Variants in CTNNA1 observed in about 807,000 individuals in gnomAD.
The protein encoded by CTNNA1 is catenin alpha-1.
In CTNNA1, 37 loss-of-function variants were observed where a neutral mutation model predicts 98.4. That is an observed-to-expected ratio of 0.38 (90% CI 0.29 to 0.49). The LOEUF is 0.49. Among genes scored for constraint, CTNNA1 ranks in the 20% least tolerant of loss-of-function variants. The pLI, the probability that CTNNA1 is intolerant of heterozygous loss-of-function variation, is 0.95. For synonymous variants in CTNNA1, 404 were observed against 413.2 expected (o/e 0.98, Z 0.27); for missense variants, 761 against 1,147.2 (o/e 0.66, Z 4.86).
intron 13 of CTNNA1, among the ~76,000 whole-genome samples, chr5:138,926,624 C>G (rs1764107775): frequency 6.6e-6 from 1 of 152,208 alleles, no homozygotes; most frequent in African/African-American, 2.4e-5. Flanking sequence ...TGCTTCTGGC[C>G]AAGGCCATCC....
chr5:138,866,139 CTG>C (rs769686950), intron 7 of CTNNA1, among the ~76,000 whole-genome samples: 1 of 152,132 alleles, frequency 6.6e-6, no homozygotes, highest in Non-Finnish European at 1.5e-5. Context: ...TGGTGAAACT[CTG>C]TCTCTACCAA....
chr5:138,854,485 T>A (rs530458766), intron 7 of CTNNA1, among the ~76,000 whole-genome samples: 1 of 152,278 alleles, frequency 6.6e-6, no homozygotes, highest in African/African-American at 2.4e-5. Context: ...TAGGCTTAAG[T>A]GAAAAGTGTA....
chr5:138,875,354 C>G lies in CTNNA1; in HGVS notation c.1063-10858C>G, dbSNP rs1054998943. The G allele has an allele frequency of 4.1e-6, 4 of 987,198 alleles. No individual in the cohort carries two copies. In the East Asian group the frequency reaches 4.3e-4, roughly 106 times the overall value. The allele number at this position is 987,198 out of a possible 1,614,324, so 61.2% of individuals were successfully genotyped here. A position where few individuals can be genotyped will look rare whatever the true frequency, so the allele number is the denominator to read the frequency against. On this transcript the variant is annotated intron_variant, in intron 7 of 17. Coordinates refer to ENST00000302763, the MANE Select transcript of CTNNA1 (RefSeq NM_001903.5). ...CAAGAATGGATTTGCTTATGTGCTG[C>G]GACCACACAGAACTGTATATAGGCT...
intron 8 of CTNNA1, among the ~76,000 whole-genome samples, chr5:138,887,218 T>G (rs1333064647): frequency 6.6e-6 from 1 of 152,168 alleles, no homozygotes; most frequent in Non-Finnish European, 1.5e-5. Context: ...AGCCCTAGTT[T>G]TGTAATTCCC....
chr5:138,815,220 TG>T (rs1281640087), intron 5 of CTNNA1, among the ~76,000 whole-genome samples: 1 of 152,066 alleles, frequency 6.6e-6, no homozygotes, highest in Non-Finnish European at 1.5e-5. Flanking sequence ...TTTTTTCATG[TG>T]TTTTTTTTTG....
intron 3 of CTNNA1, among the ~76,000 whole-genome samples, chr5:138,803,753 T>G (rs1022206259): frequency 5.3e-5 from 8 of 152,186 alleles, no homozygotes; most frequent in Non-Finnish European, 1.0e-4. Context: ...AAATTGTATC[T>G]TACATCCCTT....
intron 1 of CTNNA1, among the ~76,000 whole-genome samples, chr5:138,774,900 C>A (rs928284185): frequency 3.3e-5 from 5 of 152,066 alleles, no homozygotes; most frequent in Non-Finnish European, 7.4e-5. Flanking sequence ...TGAGCCACCG[C>A]GCCCGTCCTG....
At chr5:138,833,996 C>G (rs894882561) in intron 7 of CTNNA1, among the ~76,000 whole-genome samples, 2 of 152,050 alleles carry the variant, frequency 1.3e-5, no homozygotes, top group Non-Finnish European at 2.9e-5. Context: ...AATTTTAATT[C>G]GATTTGGGTA....
At chr5:138,932,915 GGGCTGAAA>G (rs1765695069) in intron 17 of CTNNA1, 1 of 800,538 alleles carries the variant, frequency 1.2e-6, no homozygotes, top group African/African-American at 1.7e-5. Flanking sequence ...GGCACTGCAA[GGGCTGAAA>G]GGCTGGCCTC....
intron 9 of CTNNA1, among the ~76,000 whole-genome samples, chr5:138,894,890 C>T (rs1282842650): frequency 6.6e-6 from 1 of 152,162 alleles, no homozygotes; most frequent in African/African-American, 2.4e-5. Flanking sequence ...CATGTCACCA[C>T]CTGTGCCCTC....
chr5:138,855,431 A>C (rs955019217), intron 7 of CTNNA1, among the ~76,000 whole-genome samples: 1 of 152,272 alleles, frequency 6.6e-6, no homozygotes, highest in African/African-American at 2.4e-5. Context: ...AGGAAACTGC[A>C]AAGTTACCAG....
intron 7 of CTNNA1, among the ~76,000 whole-genome samples, chr5:138,861,941 GA>G (rs1764324034): frequency 6.6e-6 from 1 of 152,200 alleles, no homozygotes; most frequent in Non-Finnish European, 1.5e-5. Flanking sequence ...TGGGAAAGTA[GA>G]GAAAAGTTGT....
intron 7 of CTNNA1, among the ~76,000 whole-genome samples, chr5:138,830,755 G>GGAGGAAT (rs1376629791): frequency 6.6e-6 from 1 of 152,192 alleles, no homozygotes; most frequent in Non-Finnish European, 1.5e-5. Flanking sequence ...CAATGTAAGA[G>GGAGGAAT]GAGGAATGAG....
intron 16 of CTNNA1, chr5:138,931,221 A>G (rs1015920284): frequency 4.8e-6 from 2 of 414,136 alleles, no homozygotes; most frequent in Non-Finnish European, 9.0e-6. Flanking sequence ...GCCAGAAGCC[A>G]TGTGGCCAGT....
intron 11 of CTNNA1, among the ~76,000 whole-genome samples, chr5:138,920,129 C>A (rs1292963958): frequency 6.6e-6 from 1 of 151,968 alleles, no homozygotes; most frequent in Non-Finnish European, 1.5e-5. Flanking sequence ...CAGGTGCTTG[C>A]CACCATGCCT....
chr5:138,823,941 A>G (rs1266206291), intron 5 of CTNNA1, among the ~76,000 whole-genome samples: 2 of 128,344 alleles, frequency 1.6e-5, no homozygotes, highest in African/African-American at 5.6e-5. Flanking sequence ...TGGGCGACAG[A>G]GCGAGACTCC....
At chr5:138,875,230 G>T in intron 7 of CTNNA1, 2 of 323,304 alleles carry the variant, frequency 6.2e-6, no homozygotes, top group South Asian at 1.3e-4. Flanking sequence ...TAGTTCTCTT[G>T]GTCTTAACTT....
At chr5:138,785,522 T>G (rs1271760649) in intron 3 of CTNNA1, among the ~76,000 whole-genome samples, 2 of 24 alleles carry the variant, frequency 0.083, no homozygotes, top group African/African-American at 0.17. Context: ...CAGATGAGTT[T>G]GGGCAGTGTT....
chr5:138,787,412 C>T (rs1225120980), intron 3 of CTNNA1, among the ~76,000 whole-genome samples: 5 of 151,314 alleles, frequency 3.3e-5, no homozygotes, highest in African/African-American at 7.3e-5. Flanking sequence ...AGCGAGACTC[C>T]GTCTCCAAAA....
Sources: allele counts gnomAD v4.1 joint callset (sites outside exome capture counted in the v4.1 genomes callset), GRCh38; gene constraint gnomAD v4.1.1; transcripts MANE v1.5; gene names NCBI Gene and HGNC (gene_info 2026-07-23, HGNC 2026-07-21).